The following TANC2 variants were observed in gnomAD, a reference collection of about 807,000 sequenced individuals.
TANC2 encodes the protein protein TANC2.
TANC2 carries 26 observed loss-of-function variants against 210.5 expected under a neutral mutation model. The ratio of observed to expected loss-of-function variants is 0.12; its 90% CI spans 0.09 to 0.17. TANC2 has a LOEUF of 0.17. Ranked by LOEUF, TANC2 falls within the 10% of genes least tolerant of loss-of-function variation. The probability of loss-of-function intolerance (pLI) is 1.00; values close to 1 mark genes in which losing one functional copy is unlikely to be tolerated. For missense variants in TANC2, 2,129 were observed against 2,608.9 expected, an observed-to-expected ratio of 0.82 and a Z score of 4.01; for synonymous variants, 931 against 967.1, an observed-to-expected ratio of 0.96 and a Z score of 0.69.
intron 7 of TANC2, among the ~76,000 whole-genome samples, chr17:63,211,834 G>A (rs1036376515): frequency 3.3e-5 from 5 of 152,124 alleles, no homozygotes; most frequent in African/African-American, 1.2e-4. Context: ...CTTAATGATG[G>A]GGGAGGAGGG....
At chr17:63,027,349 T>C (rs570973290) in intron 2 of TANC2, among the ~76,000 whole-genome samples, 4 of 152,192 alleles carry the variant, frequency 2.6e-5, no homozygotes, top group African/African-American at 9.6e-5. Flanking sequence ...TTTGATTCTT[T>C]AAAAAAGGGA....
chr17:63,362,639 G>T (rs1184926548), intron 14 of TANC2, among the ~76,000 whole-genome samples: 1 of 152,216 alleles, frequency 6.6e-6, no homozygotes, highest in Non-Finnish European at 1.5e-5. Flanking sequence ...GCAGCATGGG[G>T]CTGGCGTGTC....
At chr17:63,206,206 T>C (rs1320788956) in intron 7 of TANC2, among the ~76,000 whole-genome samples, 3 of 152,142 alleles carry the variant, frequency 2.0e-5, no homozygotes, top group Non-Finnish European at 4.4e-5. Context: ...ACATAACAAG[T>C]GTTGGCAAGG....
At chr17:63,190,198 G>A (rs1346152623) in intron 5 of TANC2, among the ~76,000 whole-genome samples, 1 of 152,046 alleles carries the variant, frequency 6.6e-6, no homozygotes, top group South Asian at 2.1e-4. Flanking sequence ...AAATTATCCA[G>A]GCATGGCAGT....
chr17:62,983,661 G>GT (rs529270407), intron 1 of TANC2, among the ~76,000 whole-genome samples: 41 of 152,134 alleles, frequency 2.7e-4, no homozygotes, highest in Middle Eastern at 3.4e-3. Flanking sequence ...TTTATTGACA[G>GT]TTTTTTTATC....
intron 7 of TANC2, among the ~76,000 whole-genome samples, chr17:63,212,112 G>A (rs2145875459): frequency 6.6e-6 from 1 of 152,120 alleles, no homozygotes; most frequent in South Asian, 2.1e-4. Flanking sequence ...TCCCACCTAT[G>A]AGTGAGAACA....
At chr17:63,145,736 T>C in intron 4 of TANC2, among the ~76,000 whole-genome samples, 1 of 152,140 alleles carries the variant, frequency 6.6e-6, no homozygotes, top group Non-Finnish European at 1.5e-5. Flanking sequence ...TGGCCAGCCT[T>C]TTCTATTCCA....
intron 8 of TANC2, among the ~76,000 whole-genome samples, chr17:63,244,122 G>C (rs138405963): frequency 5.3e-5 from 8 of 152,266 alleles, no homozygotes; most frequent in Admixed American, 2.0e-4. Context: ...GCTTTCCTAG[G>C]TGTTTTTCTG....
At chr17:63,331,087 A>G (rs774864185) in intron 11 of TANC2, among the ~76,000 whole-genome samples, 2 of 152,144 alleles carry the variant, frequency 1.3e-5, no homozygotes, top group Non-Finnish European at 2.9e-5. Flanking sequence ...AAAAAATAAT[A>G]ATGTATCTGG....
intron 2 of TANC2, among the ~76,000 whole-genome samples, chr17:63,063,193 A>T (rs1431177647): frequency 6.6e-6 from 1 of 152,234 alleles, no homozygotes; most frequent in African/African-American, 2.4e-5. Flanking sequence ...GGTATTGGAT[A>T]AAGAGCCCGG....
At chr17:63,181,537 G>A (rs763890988) in intron 5 of TANC2, among the ~76,000 whole-genome samples, 1 of 152,252 alleles carries the variant, frequency 6.6e-6, no homozygotes, top group Non-Finnish European at 1.5e-5. Flanking sequence ...GGTAGTCCCA[G>A]AGGTCTGTAT....
At chr17:63,283,245 C>G (rs151165626) in intron 9 of TANC2, among the ~76,000 whole-genome samples, 15 of 151,980 alleles carry the variant, frequency 9.9e-5, no homozygotes, top group African/African-American at 2.9e-4. Context: ...TACTGGATTC[C>G]TTTTGTACCT....
At position 63,324,646 on chromosome 17, in the gene TANC2, G is replaced by T. The variant is rs548749692; in HGVS notation, c.1575+5556G>T. 2.0e-5 allele frequency among the ~76,000 whole-genome samples: 3 copies of T among 152,130 alleles called. No individual in the cohort carries two copies. The South Asian group carries it at 6.2e-4, about 32-fold the overall frequency. On this transcript the variant is annotated intron_variant, in intron 11 of 27. Transcript: ENST00000689528. ...ATGATGTTTTATAAAATTTGTCTAG[G>T]GCTTTTCTTCTCTAAAAATTAACAC...
chr17:63,126,451 A>G (rs1816007661), intron 4 of TANC2, among the ~76,000 whole-genome samples: 1 of 152,202 alleles, frequency 6.6e-6, no homozygotes, highest in Middle Eastern at 3.4e-3. Context: ...TCTGTCGCCC[A>G]GGCTGGAGTG....
At chr17:63,165,933 T>G (rs970497830) in intron 5 of TANC2, among the ~76,000 whole-genome samples, 3 of 152,160 alleles carry the variant, frequency 2.0e-5, no homozygotes, top group Non-Finnish European at 4.4e-5. Context: ...CAGTAAGAAA[T>G]ATCAGTCTTA....
At chr17:63,146,392 T>C (rs145454672) in intron 4 of TANC2, among the ~76,000 whole-genome samples, 1 of 152,274 alleles carries the variant, frequency 6.6e-6, no homozygotes, top group East Asian at 1.9e-4. Context: ...TATTTCTTTT[T>C]CTTGCCTGCA....
In TANC2 at chr17:63,411,702, C is replaced by A; in HGVS notation, c.3765+16C>A. 2 of 1,600,744 alleles carry A rather than the reference C, an allele frequency of 1.2e-6. No individual in the cohort carries two copies. The highest frequency in any genetic ancestry group is 1.7e-6 in the Non-Finnish European group (2 of 1,173,472). The stretch of plus-strand genomic sequence containing the variant: ...TGCTGAGGTGGTAAGTACCTTTAAA[C>A]AAGCCTCAAGAGAGCAGAGAGAGGG... On this transcript the variant is annotated intron_variant, in intron 22 of 27. Transcript: ENST00000689528.
intron 15 of TANC2, among the ~76,000 whole-genome samples, chr17:63,384,598 C>T (rs572786059): frequency 6.6e-6 from 1 of 152,124 alleles, no homozygotes; most frequent in East Asian, 1.9e-4. Context: ...CTTTCCCTTA[C>T]CCCATTCTCC....
At chr17:63,055,937 G>T (rs1278216570) in intron 2 of TANC2, among the ~76,000 whole-genome samples, 1 of 117,676 alleles carries the variant, frequency 8.5e-6, no homozygotes, top group African/African-American at 3.1e-5. Flanking sequence ...AGACCAACTT[G>T]TACAACGTAG....
Sources: allele counts gnomAD v4.1 joint callset (sites outside exome capture counted in the v4.1 genomes callset), GRCh38; gene constraint gnomAD v4.1.1; transcripts MANE v1.5; gene names NCBI Gene and HGNC (gene_info 2026-07-23, HGNC 2026-07-21).